Variants in LINC00632 observed in about 807,000 individuals in gnomAD.
LINC00632 encodes ALDOA related specific transcript.
chrX:140,745,170 C>T (rs764646579), intron 3 of LINC00632, among the ~76,000 whole-genome samples: 1 of 109,390 alleles, frequency 9.1e-6, no homozygotes, highest in Non-Finnish European at 1.9e-5. Flanking sequence ...AATATCTCTC[C>T]TACCTCTGCT....
intron 3 of LINC00632, among the ~76,000 whole-genome samples, chrX:140,759,058 G>A (rs1186656693): frequency 6.7e-5 from 7 of 103,931 alleles, no homozygotes; most frequent in African/African-American, 1.1e-4. Flanking sequence ...TCCACCTCCC[G>A]GGTTCAAGCG....
intron 2 of LINC00632, among the ~76,000 whole-genome samples, chrX:140,733,247 C>T (rs1717936199): frequency 1.8e-5 from 2 of 112,583 alleles, no homozygotes; most frequent in South Asian, 3.6e-4. Flanking sequence ...TGCGCTTTCG[C>T]GTGCACAGAA....
At chrX:140,737,326 T>A (rs1278246766) in intron 3 of LINC00632, among the ~76,000 whole-genome samples, 2 of 112,268 alleles carry the variant, frequency 1.8e-5, no homozygotes, top group African/African-American at 6.5e-5. Context: ...AATTTTTAAC[T>A]TTTTAAATAA....
intron 3 of LINC00632, among the ~76,000 whole-genome samples, chrX:140,739,710 T>C (rs1299332109): frequency 1.8e-5 from 2 of 110,712 alleles, no homozygotes; most frequent in African/African-American, 6.6e-5. Context: ...CGTGACCAAA[T>C]TTGAGCATAA....
chrX:140,728,574 G>A (rs1323422224), intron 2 of LINC00632, among the ~76,000 whole-genome samples: 2 of 110,452 alleles, frequency 1.8e-5, no homozygotes, highest in South Asian at 3.9e-4. Context: ...CTCACCCCAC[G>A]AGGTACCCTT....
chrX:140,747,896 C>G (rs1318524315), intron 3 of LINC00632, among the ~76,000 whole-genome samples: 1 of 111,772 alleles, frequency 8.9e-6, no homozygotes, highest in African/African-American at 3.2e-5. Flanking sequence ...GGCGTGATCT[C>G]GGCTCACTGC....
chrX:140,738,142 C>T (rs767224450), intron 3 of LINC00632, among the ~76,000 whole-genome samples: 8 of 111,314 alleles, frequency 7.2e-5, no homozygotes, highest in Non-Finnish European at 1.5e-4. Context: ...GTTGATGACA[C>T]ACGTTTGTGA....
chrX:140,743,156 CAG>C (rs1487742377), intron 3 of LINC00632, among the ~76,000 whole-genome samples: 1 of 90,683 alleles, frequency 1.1e-5, no homozygotes, highest in Non-Finnish European at 2.0e-5. Context: ...ACCCAGGAGA[CAG>C]AGGTTGCAAT....
chrX:140,723,406 T>TACACAC (rs1309474678), intron 2 of LINC00632, among the ~76,000 whole-genome samples: 1 of 12,124 alleles, frequency 8.2e-5, no homozygotes, highest in African/African-American at 1.4e-4. Context: ...ACACATTCCA[T>TACACAC]ACACACACAT....
At chrX:140,762,559 C>T (rs1931619032) in intron 3 of LINC00632, among the ~76,000 whole-genome samples, 1 of 112,439 alleles carries the variant, frequency 8.9e-6, no homozygotes, top group South Asian at 3.7e-4. Context: ...TTATTTGTAA[C>T]ACCACTTTAT....
At chrX:140,711,536 G>A (rs746053713) in intron 1 of LINC00632, 1 of 239,380 alleles carries the variant, frequency 4.2e-6, no homozygotes, top group South Asian at 5.1e-5. Context: ...ATGTTTATAT[G>A]TGCATTATTT....
chrX:140,718,952 C>G (rs1158891177), intron 2 of LINC00632, among the ~76,000 whole-genome samples: 4 of 111,728 alleles, frequency 3.6e-5, no homozygotes, highest in South Asian at 3.8e-4. Flanking sequence ...AAGGAACTCA[C>G]TTCAAAATCT....
At chrX:140,788,810 G>GTATATA (rs1556031382) in exon 5 of LINC00632, among the ~76,000 whole-genome samples, 1 of 75,227 alleles carries the variant, frequency 1.3e-5, no homozygotes, top group Non-Finnish European at 2.8e-5. Context: ...ACACATATAT[G>GTATATA]TATCTATATT....
chrX:140,723,653 C>G (rs1261868897), intron 2 of LINC00632, among the ~76,000 whole-genome samples: 1 of 43,522 alleles, frequency 2.3e-5, no homozygotes, highest in African/African-American at 1.3e-4. Context: ...TCCATACACA[C>G]ACACATTCCA....
At chrX:140,723,966 C>CACACATTCGATA (rs1930834107) in intron 2 of LINC00632, among the ~76,000 whole-genome samples, 5 of 13,670 alleles carry the variant, frequency 3.7e-4, no homozygotes, top group Non-Finnish European at 9.3e-4. Flanking sequence ...GCACAGTTAC[C>CACACATTCGATA]CATTCCATAC....
At chrX:140,785,819 C>G (rs955882155) in exon 5 of LINC00632, among the ~76,000 whole-genome samples, 4 of 112,017 alleles carry the variant, frequency 3.6e-5, no homozygotes, top group Admixed American at 9.5e-5. Flanking sequence ...ATTTGAATCC[C>G]CTTTTACTGA....
intron 2 of LINC00632, among the ~76,000 whole-genome samples, chrX:140,724,580 A>T (rs1930882196): frequency 1.0e-5 from 1 of 98,366 alleles, no homozygotes; most frequent in Non-Finnish European, 2.1e-5. Flanking sequence ...CACATTCCAT[A>T]CACGCACAGA....
chrX:140,783,618 C>G, exon 5 of LINC00632: 1 of 1,208,129 alleles, frequency 8.3e-7, no homozygotes, highest in Non-Finnish European at 1.1e-6. Flanking sequence ...GAAAGAAATC[C>G]AGGTCTTCCA....
At chrX:140,748,857 GAT>G (rs1039823229) in intron 3 of LINC00632, among the ~76,000 whole-genome samples, 2 of 76,424 alleles carry the variant, frequency 2.6e-5, no homozygotes, top group Admixed American at 1.8e-4. Context: ...TTATATATAT[GAT>G]ATATATAAAA....
Sources: allele counts gnomAD v4.1 joint callset (sites outside exome capture counted in the v4.1 genomes callset), GRCh38; gene constraint gnomAD v4.1.1; transcripts MANE v1.5; gene names NCBI Gene and HGNC (gene_info 2026-07-23, HGNC 2026-07-21).